OPRM1: variants seen among roughly 807,000 people sequenced by gnomAD.
OPRM1 encodes mu-type opioid receptor.
Under a neutral mutation model 31.8 loss-of-function variants are expected in OPRM1, and 27 were observed. The observed-to-expected ratio is 0.85, with a 90% CI of 0.63 to 1.17. The LOEUF (loss-of-function observed/expected upper bound fraction) is 1.17, where lower values mean the gene tolerates loss of function less well. Among genes scored for constraint, OPRM1 ranks in the 50% most tolerant of loss-of-function variants. The probability of loss-of-function intolerance (pLI) is 0.00; values close to 1 mark genes in which losing one functional copy is unlikely to be tolerated. For missense variants in OPRM1, 536 were observed against 511.1 expected, an observed-to-expected ratio of 1.05 and a Z score of -0.47; for synonymous variants, 196 against 189.9, an observed-to-expected ratio of 1.03 and a Z score of -0.26.
chr6:154,051,391 T>C (rs1162954001), intron 1 of OPRM1, among the ~76,000 whole-genome samples: 1 of 152,224 alleles, frequency 6.6e-6, no homozygotes, highest in Non-Finnish European at 1.5e-5. Flanking sequence ...TCCTATTTTA[T>C]ACCAAAATAC....
upstream of OPRM1, among the ~76,000 whole-genome samples, chr6:154,037,845 A>AT (rs17180982): frequency 0.03 from 4,532 of 152,200 alleles, 210 homozygotes; most frequent in African/African-American, 0.1. Flanking sequence ...TTATAAAATG[A>AT]TTGACTCCAA....
intron 1 of OPRM1, among the ~76,000 whole-genome samples, chr6:154,045,764 A>G (rs544671509): frequency 4.4e-4 from 67 of 152,274 alleles, no homozygotes; most frequent in Admixed American, 9.8e-4. Context: ...TGCCCTCCAT[A>G]GGAATCAGCC....
In OPRM1 at chr6:154,087,427, G is replaced by T. The variant is rs555347410; in HGVS notation, c.291-2399G>T. 14 of 985,380 alleles carry T rather than the reference G, an allele frequency of 1.4e-5. No individual in the cohort carries two copies. The African/African-American group carries it at 2.4e-4, about 17-fold the overall frequency. 61.0% of individuals were successfully genotyped at this position (985,380 alleles called of 1,614,324 possible). On this transcript the variant is annotated intron_variant, in intron 1 of 3. Coordinates refer to ENST00000330432, the MANE Select transcript of OPRM1 (RefSeq NM_000914.5). ...AGTAAACACAAGCTAACATTTAAAA[G>T]GAATTGATGGCACCGTGTAAATCAG...
At chr6:154,029,378 G>T (rs1180547877) in intron 1 of OPRM1, among the ~76,000 whole-genome samples, 2 of 152,056 alleles carry the variant, frequency 1.3e-5, no homozygotes, top group African/African-American at 4.8e-5. Flanking sequence ...GCTGGTTCAG[G>T]ACAAATCTTG....
At position 154,090,045 on chromosome 6, in the gene OPRM1, A is replaced by T; in HGVS notation, c.510A>T (p.Ala170=). ...CCATGAGTGTTGATCGATACATTGC[A>T]GTCTGCCACCCTGTCAAGGCCTTAG... ...LCTMSVDRYI[A]VCHPVKALDF... is the part of the protein sequence containing the mutation. The change falls in exon 2 of 4, where the codon GCA becomes GCT. Residue 170 remains alanine (A), a synonymous_variant. Transcript: ENST00000330432. 6.2e-7 allele frequency: 1 copy of T among 1,614,030 alleles called. No individual in the cohort carries two copies. Among genetic ancestry groups the T allele is most frequent in the Non-Finnish European group, 8.5e-7 (1 of 1,179,926 alleles).
At chr6:154,172,670 C>A (rs940081267) in intron 3 of OPRM1, among the ~76,000 whole-genome samples, 1 of 152,212 alleles carries the variant, frequency 6.6e-6, no homozygotes, top group Non-Finnish European at 1.5e-5. Context: ...TCGAACTGGG[C>A]GGAGCCCACT....
At chr6:154,016,575 A>G (rs373386349) in intron 1 of OPRM1, among the ~76,000 whole-genome samples, 22 of 152,340 alleles carry the variant, frequency 1.4e-4, no homozygotes, top group African/African-American at 4.8e-4. Context: ...TTTACTTTGT[A>G]TACCTGACTC....
chr6:154,081,446 C>T (rs963096483), intron 1 of OPRM1, among the ~76,000 whole-genome samples: 10 of 152,082 alleles, frequency 6.6e-5, no homozygotes, highest in African/African-American at 2.4e-4. Flanking sequence ...GCGGAGTTTG[C>T]AGTGAGCCGA....
chr6:154,126,218 A>T lies in OPRM1; in HGVS notation c.*7497A>T, dbSNP rs2128529974. On this transcript the variant is annotated 3_prime_UTR_variant, in exon 4 of 4. Coordinates refer to ENST00000330432, the MANE Select transcript of OPRM1 (RefSeq NM_000914.5). ...AGAAAAAAAAAAGAGGAAATAAAGAAGACAACTCTTTTCCTAAGAGTCTGG... is the reference window on the plus strand; with the variant it reads ...AGAAAAAAAAAAGAGGAAATAAAGATGACAACTCTTTTCCTAAGAGTCTGG... 6.6e-6 allele frequency among the ~76,000 whole-genome samples: 1 copy of T among 152,342 alleles called. No homozygotes were observed. Among genetic ancestry groups the T allele is most frequent in the South Asian group, 2.1e-4 (1 of 4,824 alleles).
intron 3 of OPRM1, among the ~76,000 whole-genome samples, chr6:154,138,608 T>G (rs899645185): frequency 6.6e-6 from 1 of 152,214 alleles, no homozygotes; most frequent in Admixed American, 6.5e-5. Flanking sequence ...GAGGTCCAAC[T>G]TAAATGACCC....
chr6:154,238,223 T>A (rs1005404096), intron 3 of OPRM1, among the ~76,000 whole-genome samples: 35 of 152,188 alleles, frequency 2.3e-4, no homozygotes, highest in Admixed American at 2.3e-3. Flanking sequence ...CAACAAAATG[T>A]CTAAACTCGT....
intron 1 of OPRM1, among the ~76,000 whole-genome samples, chr6:154,042,062 T>C (rs1780176778): frequency 6.6e-6 from 1 of 152,290 alleles, no homozygotes; most frequent in African/African-American, 2.4e-5. Flanking sequence ...GAGAACATGT[T>C]ATTATGCTTT....
chr6:154,090,093 C>G lies in OPRM1; in HGVS notation c.558C>G (p.Ala186=), dbSNP rs767179357. Residue 186 remains alanine (A), a synonymous_variant, in exon 2 of 4, where the codon GCC becomes GCG. Coordinates refer to ENST00000330432, the MANE Select transcript of OPRM1 (RefSeq NM_000914.5). Reference sequence around the variant, plus strand: ...TAGATTTCCGTACTCCCCGAAATGCCAAAATTATCAATGTCTGCAACTGGA... The same window carrying G: ...TAGATTTCCGTACTCCCCGAAATGCGAAAATTATCAATGTCTGCAACTGGA... ...KALDFRTPRN[A]KIINVCNWIL... 14 of 1,614,108 alleles carry G rather than the reference C, an allele frequency of 8.7e-6. No individual in the cohort carries two copies. In the Admixed American group the frequency reaches 2.3e-4, roughly 27 times the overall value.
chr6:154,085,474 C>T (rs1040325994), intron 1 of OPRM1, among the ~76,000 whole-genome samples: 1 of 152,024 alleles, frequency 6.6e-6, no homozygotes, highest in African/African-American at 2.4e-5. Context: ...AAAGAAATAC[C>T]TACTACAAAA....
intron 3 of OPRM1, among the ~76,000 whole-genome samples, chr6:154,239,386 C>T (rs1208343349): frequency 2.0e-5 from 3 of 152,186 alleles, no homozygotes; most frequent in African/African-American, 7.2e-5. Context: ...AATAAATAAA[C>T]TAAATGTCCA....
At chr6:154,028,368 C>A (rs1326192884) in intron 1 of OPRM1, among the ~76,000 whole-genome samples, 1 of 152,250 alleles carries the variant, frequency 6.6e-6, no homozygotes, top group African/African-American at 2.4e-5. Context: ...GAAGTCCTCC[C>A]CACTCTTCCT....
intron 1 of OPRM1, among the ~76,000 whole-genome samples, chr6:154,064,272 C>T (rs1784935516): frequency 6.6e-6 from 1 of 152,098 alleles, no homozygotes; most frequent in Non-Finnish European, 1.5e-5. Flanking sequence ...ATTCAAAAAT[C>T]TTTTTTGGAG....
chr6:154,118,986 G>T lies in OPRM1; in HGVS notation c.*265G>T. ...ACCCAGTGGAACCAAAACCCATCGT[G>T]GTATGTGAATTGAAGTCATCATAAA... On this transcript the variant is annotated 3_prime_UTR_variant, in exon 4 of 4. Coordinates refer to ENST00000330432, the MANE Select transcript of OPRM1 (RefSeq NM_000914.5). 1 of 1,214,484 alleles carries T rather than the reference G, an allele frequency of 8.2e-7. No homozygotes were observed. The highest frequency in any genetic ancestry group is 3.6e-5 in the East Asian group (1 of 27,704). 75.2% of individuals were successfully genotyped at this position (1,214,484 alleles called of 1,614,324 possible).
chr6:154,026,610 A>C (rs564484716), intron 1 of OPRM1, among the ~76,000 whole-genome samples: 56 of 152,146 alleles, frequency 3.7e-4, no homozygotes, highest in African/African-American at 1.2e-3. Context: ...AGATCCTGTA[A>C]GTGTGCTTCT....
Sources: gnomAD v4.1 joint callset for allele counts (sites outside exome capture counted in the v4.1 genomes callset) on GRCh38, gnomAD v4.1.1 for gene constraint, MANE v1.5 for transcripts, NCBI Gene and HGNC (gene_info 2026-07-23, HGNC 2026-07-21) for gene names.